CDK14: variants seen among roughly 807,000 people sequenced by gnomAD.
The protein encoded by CDK14 is cyclin dependent kinase 14.
In CDK14, 34 loss-of-function variants were observed where a neutral mutation model predicts 60.7. That is an observed-to-expected ratio of 0.56 (90% confidence interval 0.43 to 0.75). CDK14 has a LOEUF of 0.75. Ranked by LOEUF, CDK14 falls within the 30% of genes least tolerant of loss-of-function variation. The pLI, the probability that CDK14 is intolerant of heterozygous loss-of-function variation, is 0.00. For missense variants in CDK14, 482 were observed against 564.1 expected (o/e 0.85, Z 1.47); for synonymous variants, 197 against 203.7 (o/e 0.97, Z 0.28).
At chr7:90,700,185 C>T (rs1194558542) in intron 2 of CDK14, among the ~76,000 whole-genome samples, 1 of 152,166 alleles carries the variant, frequency 6.6e-6, no homozygotes, top group East Asian at 1.9e-4. Flanking sequence ...CCACCGACTC[C>T]CTGGTTCAAG....
At chr7:91,047,227 T>A (rs1369496717) in intron 11 of CDK14, among the ~76,000 whole-genome samples, 1 of 152,236 alleles carries the variant, frequency 6.6e-6, no homozygotes, top group Non-Finnish European at 1.5e-5. Context: ...CTAAAATTTA[T>A]GTCCTAGGCA....
At chr7:91,005,392 G>T (rs796862333) in intron 10 of CDK14, among the ~76,000 whole-genome samples, 48 of 152,316 alleles carry the variant, frequency 3.2e-4, no homozygotes, top group African/African-American at 1.0e-3. Context: ...AGCTGGCAGG[G>T]GAGAAATATT....
intron 5 of CDK14, among the ~76,000 whole-genome samples, chr7:90,794,118 T>C (rs1278377048): frequency 6.6e-6 from 1 of 152,084 alleles, no homozygotes; most frequent in East Asian, 1.9e-4. Context: ...CCCTGAGCCG[T>C]AAAACCAGCA....
At chr7:90,969,806 G>A (rs753199316) in intron 9 of CDK14, among the ~76,000 whole-genome samples, 10 of 151,552 alleles carry the variant, frequency 6.6e-5, no homozygotes, top group Middle Eastern at 3.2e-3. Context: ...AGTAGTCCTC[G>A]GTGAAGGCAT....
intron 14 of CDK14, among the ~76,000 whole-genome samples, chr7:91,170,539 T>C (rs1257348932): frequency 1.3e-5 from 2 of 152,136 alleles, no homozygotes; most frequent in African/African-American, 2.4e-5. Context: ...ACCTTGGTAC[T>C]CCTGTCCACA....
At chr7:91,089,836 T>C (rs1798750339) in intron 12 of CDK14, among the ~76,000 whole-genome samples, 1 of 152,182 alleles carries the variant, frequency 6.6e-6, no homozygotes, top group Admixed American at 6.5e-5. Flanking sequence ...AAGCACATCA[T>C]TATATTTATA....
chr7:91,100,700 C>G (rs972724086), intron 12 of CDK14, among the ~76,000 whole-genome samples: 1 of 152,144 alleles, frequency 6.6e-6, no homozygotes, highest in Non-Finnish European at 1.5e-5. Context: ...GAAGACATCT[C>G]TTTTTCCAGG....
intron 4 of CDK14, among the ~76,000 whole-genome samples, chr7:90,756,503 C>T (rs1410544567): frequency 6.6e-6 from 1 of 152,190 alleles, no homozygotes. Flanking sequence ...ATTTCTTGAG[C>T]AGTTTCAAGC....
rs528153437 is a variant in CDK14, at chr7:90,796,215, T to C, written c.544+5563T>C. Among the ~76,000 whole-genome samples the C allele has an allele frequency of 1.1e-4, 17 of 152,230 alleles. No homozygotes were observed. The East Asian group carries it at 2.9e-3, about 26-fold the overall frequency. ...TGGGTTAGAGAGCCTCTGAAGACTT[T>C]AGAGTTGGGCATATTAGGGACAAAA... On this transcript the variant is annotated intron_variant, in intron 5 of 14. Transcript: ENST00000380050.
intron 14 of CDK14, among the ~76,000 whole-genome samples, chr7:91,168,417 C>G (rs1441111124): frequency 6.6e-6 from 1 of 152,116 alleles, no homozygotes; most frequent in East Asian, 1.9e-4. Flanking sequence ...ATATTTATTA[C>G]AGTCAAGAAA....
intron 2 of CDK14, among the ~76,000 whole-genome samples, chr7:90,634,821 C>G (rs1800097794): frequency 6.6e-6 from 1 of 151,982 alleles, no homozygotes; most frequent in Non-Finnish European, 1.5e-5. Context: ...TAATGATTGC[C>G]ATTCTAACTG....
At chr7:91,130,529 A>C (rs1562917398) in intron 14 of CDK14, among the ~76,000 whole-genome samples, 1 of 152,178 alleles carries the variant, frequency 6.6e-6, no homozygotes, top group Non-Finnish European at 1.5e-5. Context: ...ATTAACTCTA[A>C]CATACAAGTT....
At chr7:90,763,107 C>A (rs548586998) in intron 4 of CDK14, among the ~76,000 whole-genome samples, 195 of 152,206 alleles carry the variant, frequency 1.3e-3, no homozygotes, top group Middle Eastern at 3.4e-3. Flanking sequence ...TCCAAGAAGA[C>A]AACCAACTTT....
intron 6 of CDK14, among the ~76,000 whole-genome samples, chr7:90,867,578 C>T (rs1303848062): frequency 6.6e-6 from 1 of 151,772 alleles, no homozygotes. Flanking sequence ...TAATTGTGTA[C>T]AAGTAGAAAT....
At chr7:90,956,609 A>G (rs537452245) in intron 9 of CDK14, among the ~76,000 whole-genome samples, 4 of 152,118 alleles carry the variant, frequency 2.6e-5, no homozygotes, top group South Asian at 2.1e-4. Context: ...TTTTATTTTT[A>G]TGTATTTATT....
chr7:90,671,812 T>C (rs1416664211), intron 2 of CDK14, among the ~76,000 whole-genome samples: 2 of 152,200 alleles, frequency 1.3e-5, no homozygotes, highest in African/African-American at 2.4e-5. Context: ...CTTCAGCATA[T>C]GTAAAAACAG....
chr7:90,817,612 T>G (rs1789399171), intron 5 of CDK14, among the ~76,000 whole-genome samples: 1 of 152,184 alleles, frequency 6.6e-6, no homozygotes, highest in Non-Finnish European at 1.5e-5. Context: ...GTTTTAAGAA[T>G]TGATCCAGTT....
chr7:91,092,150 A>G (rs1798850712), intron 12 of CDK14, among the ~76,000 whole-genome samples: 1 of 152,214 alleles, frequency 6.6e-6, no homozygotes, highest in African/African-American at 2.4e-5. Flanking sequence ...CAGATATGAA[A>G]TGTCACCTTT....
At chr7:90,807,320 G>A (rs1788891805) in intron 5 of CDK14, among the ~76,000 whole-genome samples, 1 of 152,208 alleles carries the variant, frequency 6.6e-6, no homozygotes, top group Non-Finnish European at 1.5e-5. Flanking sequence ...AATACCTGCT[G>A]TTCTTCAGCC....
Sources: allele counts gnomAD v4.1 joint callset (sites outside exome capture counted in the v4.1 genomes callset), GRCh38; gene constraint gnomAD v4.1.1; transcripts MANE v1.5; gene names NCBI Gene and HGNC (gene_info 2026-07-23, HGNC 2026-07-21).